The following NALF2 variants were observed in gnomAD, a reference collection of about 807,000 sequenced individuals.
NALF2 encodes the protein NALCN channel auxiliary factor 2.
NALF2 carries 1 observed loss-of-function variant against 24.8 expected under a neutral mutation model. The observed-to-expected ratio is 0.04, with a 90% confidence interval of 0.01 to 0.19. The LOEUF is 0.19. NALF2 is among the 10% of genes least tolerant of loss of function. The probability of loss-of-function intolerance (pLI) is 1.00; values close to 1 mark genes in which losing one functional copy is unlikely to be tolerated. For missense variants in NALF2, 458 were observed against 409.6 expected (o/e 1.12, Z -1.02); for synonymous variants, 254 against 189.8 (o/e 1.34, Z -2.78).
rs1219944009 is a variant in NALF2 at position 69,505,490 on chromosome X, C to G, written c.208C>G (p.Arg70Gly). ...HLWLCAGARPRARELSSAMRP... is the reference protein window; with the variant it reads ...HLWLCAGARPGARELSSAMRP... ...GTGGCTGTGCGCGGGGGCCCGGCCCCGGGCCAGGGAGCTGAGCAGCGCCAT... is the reference window on the plus strand; with the variant it reads ...GTGGCTGTGCGCGGGGGCCCGGCCCGGGGCCAGGGAGCTGAGCAGCGCCAT... The change falls in exon 1 of 3, where the codon CGG (arginine) becomes GGG (glycine). Residue 70 changes from arginine to glycine, a missense_variant. Coordinates refer to ENST00000252338, the MANE Select transcript of NALF2 (RefSeq NM_015686.3). The G allele has an allele frequency of 9.2e-7, 1 of 1,086,567 alleles. No individual in the cohort carries two copies. 89.5% of individuals were successfully genotyped at this position (1,086,567 alleles called of 1,213,427 possible).
chrX:69,510,147 G>A (rs1930559559), intron 1 of NALF2, among the ~76,000 whole-genome samples: 1 of 112,531 alleles, frequency 8.9e-6, no homozygotes, highest in African/African-American at 3.2e-5. Context: ...ACCAGATTAT[G>A]AGCAGAGTTG....
rs1222372430 is a variant in NALF2, at chrX:69,504,749, G to GAGCGGGC, written c.-526_-520dup. On this transcript the variant is annotated 5_prime_UTR_variant, in exon 1 of 3. Coordinates refer to ENST00000252338, the MANE Select transcript of NALF2 (RefSeq NM_015686.3). ...CGCGAGCGAGGCAGGGAGCGGCGTG[G>GAGCGGGC]AGCGGGCAGCGGGCGGACGGGCGGG... Among the ~76,000 whole-genome samples the GAGCGGGC allele has an allele frequency of 9.1e-6, 1 of 110,147 alleles. No homozygotes were observed. Among genetic ancestry groups the GAGCGGGC allele is most frequent in the Admixed American group, 9.4e-5 (1 of 10,669 alleles).
At chrX:69,511,476 G>C (rs1019003760) in intron 1 of NALF2, among the ~76,000 whole-genome samples, 1 of 111,518 alleles carries the variant, frequency 9.0e-6, no homozygotes, top group South Asian at 3.8e-4. Context: ...TTACCATTCA[G>C]GGTAGACATG....
At position 69,530,137 on chromosome X, in the gene NALF2, A is replaced by G. The variant is rs977807958; in HGVS notation, c.*181A>G. The G allele has an allele frequency of 1.7e-5, 7 of 402,363 alleles. No individual in the cohort carries two copies. Among genetic ancestry groups the G allele is most frequent in the African/African-American group, 2.5e-5 (1 of 39,280 alleles). The allele number at this position is 402,363 out of a possible 1,213,427, so 33.2% of individuals were successfully genotyped here. On this transcript the variant is annotated 3_prime_UTR_variant, in exon 3 of 3. Transcript: ENST00000252338. Reference sequence around the variant, plus strand: ...AAAGCAGCTCCAACAGAATGGCCAGAGGGCCTCAGGGAGCTGCAAAACTCA... The same window carrying G: ...AAAGCAGCTCCAACAGAATGGCCAGGGGGCCTCAGGGAGCTGCAAAACTCA...
chrX:69,506,001 G>C lies in NALF2; in HGVS notation c.719G>C (p.Trp240Ser). Residue 240 changes from tryptophan (W) to serine (S), a missense_variant, in exon 1 of 3, where the codon TGG becomes TCG. Trp to Ser is a radical substitution (Grantham distance 177). Coordinates refer to ENST00000252338, the MANE Select transcript of NALF2 (RefSeq NM_015686.3). Reference protein sequence around the residue: ...AVVASPGSGAWEACSNCIEAY... With the variant: ...AVVASPGSGASEACSNCIEAY... ...GTGGCCAGCCCGGGCTCCGGGGCCT[G>C]GGAGGCGTGTAGCAACTGTATCGAG... The C allele has an allele frequency of 8.3e-7, 1 of 1,211,627 alleles. No homozygotes were observed. The highest frequency in any genetic ancestry group is 1.1e-6 in the Non-Finnish European group (1 of 895,368).
At chrX:69,528,165 G>C (rs933021518) in intron 1 of NALF2, among the ~76,000 whole-genome samples, 11 of 111,634 alleles carry the variant, frequency 9.9e-5, no homozygotes, top group African/African-American at 3.3e-4. Flanking sequence ...GAAACCCTGG[G>C]CTTGATGATA....
Position 69,505,459 on chromosome X carries a change from C to T in NALF2, c.177C>T (p.Asp59=). 1.8e-6 allele frequency: 2 copies of T among 1,117,197 alleles called. No individual in the cohort carries two copies. Among genetic ancestry groups the T allele is most frequent in the Non-Finnish European group, 2.3e-6 (2 of 851,577 alleles). The allele number at this position is 1,117,197 out of a possible 1,213,427, so 92.1% of individuals were successfully genotyped here. The part of the protein sequence containing the change: ...SLLFFTVLLA[D]HLWLCAGARP... ...TCTTCTTCACCGTGCTGCTCGCTGA[C>T]CATCTGTGGCTGTGCGCGGGGGCCC... The change falls in exon 1 of 3, where the codon GAC becomes GAT. Residue 59 remains aspartate, a synonymous_variant. Coordinates refer to ENST00000252338, the MANE Select transcript of NALF2 (RefSeq NM_015686.3).
chrX:69,504,529 C>G lies in NALF2; in HGVS notation c.-754C>G, dbSNP rs761985813. ...ACGAGAGGCGGAAGCGAGAGGCGCA[C>G]TAAGTAAAGCCCGGTGTCTGCGTCC... On this transcript the variant is annotated 5_prime_UTR_variant, in exon 1 of 3. Transcript: ENST00000252338. Among the ~76,000 whole-genome samples the G allele has an allele frequency of 8.8e-6, 1 of 113,222 alleles. No homozygotes were observed.
chrX:69,512,390 G>T (rs1352716635), intron 1 of NALF2, among the ~76,000 whole-genome samples: 1 of 111,616 alleles, frequency 9.0e-6, no homozygotes, highest in African/African-American at 3.3e-5. Context: ...GCTGCAGCTG[G>T]CTCTGGAGAG....
At chrX:69,528,269 T>C (rs12394539) in intron 1 of NALF2, among the ~76,000 whole-genome samples, 5,748 of 111,566 alleles carry the variant, frequency 0.052, 348 homozygotes, top group African/African-American at 0.18. Context: ...ACCCATGAAG[T>C]GAAACTGCAA....
chrX:69,524,380 C>T (rs1930776015), intron 1 of NALF2, among the ~76,000 whole-genome samples: 1 of 111,419 alleles, frequency 9.0e-6, no homozygotes, highest in Non-Finnish European at 1.9e-5. Context: ...TCATGAGCCA[C>T]CGCATCCAGC....
rs756703590 is a variant in NALF2, at chrX:69,505,656, C to T, written c.374C>T (p.Ala125Val). The T allele has an allele frequency of 8.3e-7, 1 of 1,203,508 alleles. No homozygotes were observed. The part of the protein sequence containing the change: ...GPRYSNLTKA[A>V]PAAGSRPVCG... ...AGATACAGCAACCTGACCAAAGCCGCCCCCGCCGCCGGCTCTCGGCCGGTC... is the reference window on the plus strand; with the variant it reads ...AGATACAGCAACCTGACCAAAGCCGTCCCCGCCGCCGGCTCTCGGCCGGTC... The change falls in exon 1 of 3, where the codon GCC becomes GTC. Residue 125 changes from alanine to valine, a missense_variant. Physicochemically the swap from Ala to Val is moderately conservative, Grantham distance 64. Coordinates refer to ENST00000252338, the MANE Select transcript of NALF2 (RefSeq NM_015686.3).
At chrX:69,517,291 A>G (rs1262662557) in intron 1 of NALF2, among the ~76,000 whole-genome samples, 2 of 112,081 alleles carry the variant, frequency 1.8e-5, no homozygotes, top group Non-Finnish European at 3.8e-5. Flanking sequence ...ATCTCTTAAG[A>G]GCACAGTGCC....
chrX:69,527,997 TG>T (rs1404702702), intron 1 of NALF2, among the ~76,000 whole-genome samples: 9 of 107,248 alleles, frequency 8.4e-5, no homozygotes, highest in Non-Finnish European at 1.7e-4. Context: ...TTTTTGTTGT[TG>T]TTTTTTTTTT....
chrX:69,526,016 A>G (rs1350215338), intron 1 of NALF2, among the ~76,000 whole-genome samples: 2 of 110,850 alleles, frequency 1.8e-5, no homozygotes, highest in Non-Finnish European at 3.8e-5. Context: ...CAGTAATTTC[A>G]TATTTAGGAA....
Position 69,505,850 on chromosome X carries a change from C to T in NALF2, c.568C>T (p.His190Tyr). 1 of 1,211,699 alleles carries T rather than the reference C, an allele frequency of 8.3e-7. No individual in the cohort carries two copies. The highest frequency in any genetic ancestry group is 1.8e-5 in the South Asian group (1 of 56,966). Reference protein sequence around the residue: ...PSAKKNLLKGHFRNFTLSFCD... With the variant: ...PSAKKNLLKGYFRNFTLSFCD... ...CGCCAAAAAAAACTTGCTCAAAGGC[C>T]ACTTTCGGAACTTCACTCTCTCCTT... Residue 190 changes from histidine (H) to tyrosine (Y), a missense_variant, in exon 1 of 3, where the codon CAC becomes TAC. His to Tyr is a moderately conservative substitution (Grantham distance 83, BLOSUM62 2). Coordinates refer to ENST00000252338, the MANE Select transcript of NALF2 (RefSeq NM_015686.3).
intron 1 of NALF2, among the ~76,000 whole-genome samples, chrX:69,526,664 C>T (rs1930812601): frequency 9.0e-6 from 1 of 111,155 alleles, no homozygotes. Context: ...ATAATGAGGG[C>T]AGCATCCTTT....
At chrX:69,525,433 C>G (rs1930793398) in intron 1 of NALF2, among the ~76,000 whole-genome samples, 1 of 111,556 alleles carries the variant, frequency 9.0e-6, no homozygotes, top group South Asian at 3.8e-4. Context: ...AGGGAAGTCT[C>G]TAAGGTACTG....
chrX:69,515,051 TAA>T (rs1393568678), intron 1 of NALF2, among the ~76,000 whole-genome samples: 2 of 112,630 alleles, frequency 1.8e-5, no homozygotes, highest in Non-Finnish European at 3.7e-5. Flanking sequence ...TCTTTGTTCA[TAA>T]GTCTGTTTCA....
Sources: allele counts gnomAD v4.1 joint callset (sites outside exome capture counted in the v4.1 genomes callset), GRCh38; gene constraint gnomAD v4.1.1; transcripts MANE v1.5; gene names NCBI Gene and HGNC (gene_info 2026-07-23, HGNC 2026-07-21).